The following CD58 variants were observed in gnomAD, a reference collection of about 807,000 sequenced individuals.
The protein encoded by CD58 is CD58 molecule.
In CD58, 14 loss-of-function variants were observed where a neutral mutation model predicts 27.6. That is an observed-to-expected ratio of 0.51 (90% CI 0.34 to 0.79). CD58 has a LOEUF of 0.79. CD58 is among the 30% of genes least tolerant of loss of function. CD58 has a pLI of 0.02. For synonymous variants in CD58, 117 were observed against 103.8 expected, an observed-to-expected ratio of 1.13 and a Z score of -0.77; for missense variants, 268 against 301.7, an observed-to-expected ratio of 0.89 and a Z score of 0.83.
rs543795224 is a variant in CD58, at chr1:116,516,131, C to T, written c.744-1309G>A. ...CCTCCCACTAACTCCTAAACTCAAG[C>T]GATCCTCGCACCTCAGCCTCCCAAG... is the stretch of plus-strand genomic sequence containing the variant. On this transcript the variant is annotated intron_variant, in intron 5 of 5. Transcript: ENST00000369489. This position sits in a 1 kb window ranked among gnomAD's most constrained non-coding sequence, Gnocchi z 6.1. Among the ~76,000 whole-genome samples, 1 of 152,268 alleles carries T rather than the reference C, an allele frequency of 6.6e-6. No homozygotes were observed. The highest frequency in any genetic ancestry group is 1.9e-4 in the East Asian group (1 of 5,180).
chr1:116,547,738 C>A (rs577807829), intron 1 of CD58, among the ~76,000 whole-genome samples: 1 of 151,964 alleles, frequency 6.6e-6, no homozygotes, highest in Non-Finnish European at 1.5e-5. Context: ...TTTGCAATTG[C>A]GAGTTGTGCC....
intron 1 of CD58, among the ~76,000 whole-genome samples, chr1:116,567,247 G>A: frequency 8.1e-6 from 1 of 122,720 alleles, no homozygotes; most frequent in Non-Finnish European, 1.8e-5. Context: ...GGGAGGGGAG[G>A]GGAGGGAGGG....
Position 116,522,065 on chromosome 1 carries a change from G to C in CD58, c.629-82C>G, listed in dbSNP as rs973491635. 2 of 710,904 alleles carry C rather than the reference G, an allele frequency of 2.8e-6. No homozygotes were observed. Among genetic ancestry groups the C allele is most frequent in the Non-Finnish European group, 4.8e-6 (2 of 419,804 alleles). 44.0% of individuals were successfully genotyped at this position (710,904 alleles called of 1,614,324 possible). A position where few individuals can be genotyped will look rare whatever the true frequency, so the allele number is the denominator to read the frequency against. ...CATTATTTGCAGATTCCACCTTGCG[G>C]TTTGCTTATTTACTGAAATTTATTT... On this transcript the variant is annotated intron_variant, in intron 3 of 5. Coordinates refer to ENST00000369489, the MANE Select transcript of CD58 (RefSeq NM_001779.3). This position sits in a 1 kb window ranked among gnomAD's most constrained non-coding sequence, Gnocchi z 4.6.
chr1:116,550,443 AG>A lies in CD58; in HGVS notation c.71-5840del, dbSNP rs200131379. ...AAACCACTTTCTTTGCTCATCCATA[AG>A]AAGCAACTCCTCATTGGCTCAATTT... On this transcript the variant is annotated intron_variant, in intron 1 of 5. Coordinates refer to ENST00000369489, the MANE Select transcript of CD58 (RefSeq NM_001779.3). This position sits in a 1 kb window ranked among gnomAD's most constrained non-coding sequence, Gnocchi z 4.2. 0.015 allele frequency among the ~76,000 whole-genome samples: 2,301 copies of A among 152,296 alleles called. 71 individuals are homozygous for A. Among genetic ancestry groups the A allele is most frequent in the African/African-American group, 0.052 (2,174 of 41,558 alleles).
Position 116,528,135 on chromosome 1 carries a change from C to T in CD58, c.629-6152G>A, listed in dbSNP as rs1216813763. On this transcript the variant is annotated intron_variant, in intron 3 of 5. Transcript: ENST00000369489. This position sits in a 1 kb window ranked among gnomAD's most constrained non-coding sequence, Gnocchi z 4.4. Reference sequence around the variant, plus strand: ...CTTCCCAGTGGAAAGTCATAAAAGTCACAAGAGACCAACTTAAATCAGTCC... The same window carrying T: ...CTTCCCAGTGGAAAGTCATAAAAGTTACAAGAGACCAACTTAAATCAGTCC... 6.6e-6 allele frequency among the ~76,000 whole-genome samples: 1 copy of T among 152,172 alleles called. No individual in the cohort carries two copies. Among genetic ancestry groups the T allele is most frequent in the East Asian group, 1.9e-4 (1 of 5,196 alleles).
intron 1 of CD58, among the ~76,000 whole-genome samples, chr1:116,568,975 A>C (rs757187894): frequency 6.6e-6 from 1 of 152,256 alleles, no homozygotes; most frequent in Non-Finnish European, 1.5e-5. Flanking sequence ...TATGCAGAGC[A>C]GTTTATAAAT....
chr1:116,548,840 GCTTA>G (rs1658285744), intron 1 of CD58, among the ~76,000 whole-genome samples: 1 of 152,238 alleles, frequency 6.6e-6, no homozygotes, highest in African/African-American at 2.4e-5. Context: ...TTTATTGAAT[GCTTA>G]CTCTCTGCTG....
At position 116,524,200 on chromosome 1, in the gene CD58, A is replaced by G. The variant is rs1269495718; in HGVS notation, c.629-2217T>C. On this transcript the variant is annotated intron_variant, in intron 3 of 5. Transcript: ENST00000369489. The surrounding 1 kb of genome is among the most constrained non-coding windows in gnomAD (Gnocchi z 4.6). Reference sequence around the variant, plus strand: ...GTCCCAAAGGCCCTAGTTCATTTTCATGGGAAATGATAATTAGGTACCATA... The same window carrying G: ...GTCCCAAAGGCCCTAGTTCATTTTCGTGGGAAATGATAATTAGGTACCATA... 2.6e-5 allele frequency among the ~76,000 whole-genome samples: 4 copies of G among 152,192 alleles called. No homozygotes were observed. The highest frequency in any genetic ancestry group is 9.6e-5 in the African/African-American group (4 of 41,454).
chr1:116,544,677 T>C (rs1658106100), intron 1 of CD58, 73 bp from the exon 2 acceptor site: 1 of 1,043,566 alleles, frequency 9.6e-7, no homozygotes, highest in African/African-American at 1.6e-5. Context: ...TCAGGTACTT[T>C]TTGTGCTAAG....
chr1:116,566,674 CTTG>C (rs766316621), intron 1 of CD58, among the ~76,000 whole-genome samples: 4 of 152,140 alleles, frequency 2.6e-5, no homozygotes, highest in African/African-American at 4.8e-5. Flanking sequence ...GGTGTTCCCA[CTTG>C]TCAAATGTGG....
chr1:116,520,948 T>A (rs1657245482), intron 4 of CD58, among the ~76,000 whole-genome samples: 1 of 152,208 alleles, frequency 6.6e-6, no homozygotes, highest in African/African-American at 2.4e-5. Context: ...CCAAGAAAAC[T>A]TTCTGCAATG....
At position 116,534,490 on chromosome 1, in the gene CD58, C is replaced by G. The variant is rs1249742068; in HGVS notation, c.628+1475G>C. Among the ~76,000 whole-genome samples, 1 of 152,200 alleles carries G rather than the reference C, an allele frequency of 6.6e-6. No individual in the cohort carries two copies. The highest frequency in any genetic ancestry group is 6.5e-5 in the Admixed American group (1 of 15,286). On this transcript the variant is annotated intron_variant, in intron 3 of 5. Transcript: ENST00000369489. This position sits in a 1 kb window ranked among gnomAD's most constrained non-coding sequence, Gnocchi z 5.3. ...GCGGGAGATTTGAGCTGCCAGCCCC[C>G]ACTCGCCGCCCTCTACGCCTCCTCC...
intron 4 of CD58, among the ~76,000 whole-genome samples, chr1:116,520,904 A>C (rs1050536073): frequency 1.3e-5 from 2 of 152,166 alleles, no homozygotes; most frequent in African/African-American, 4.8e-5. Context: ...TATATTTAGC[A>C]CTGATATCGC....
chr1:116,568,716 G>A (rs1304091772), intron 1 of CD58, among the ~76,000 whole-genome samples: 2 of 152,222 alleles, frequency 1.3e-5, no homozygotes, highest in African/African-American at 4.8e-5. Flanking sequence ...TCTATGAAGT[G>A]GGTTTATTAT....
chr1:116,542,300 A>G (rs995212194), intron 2 of CD58, among the ~76,000 whole-genome samples: 5 of 152,164 alleles, frequency 3.3e-5, no homozygotes, highest in African/African-American at 1.2e-4. Flanking sequence ...AGAAAGAAAC[A>G]TGAATAGGGT....
chr1:116,532,920 C>G lies in CD58; in HGVS notation c.628+3045G>C, dbSNP rs1278047398. On this transcript the variant is annotated intron_variant, in intron 3 of 5. Transcript: ENST00000369489. This position sits in a 1 kb window ranked among gnomAD's most constrained non-coding sequence, Gnocchi z 5.1. Reference sequence around the variant, plus strand: ...GAGTCGCGACAGCCGGTCTGCCAGGCGCCCACCTCCACTTCCTACTGCTGC... The same window carrying G: ...GAGTCGCGACAGCCGGTCTGCCAGGGGCCCACCTCCACTTCCTACTGCTGC... 55 of 1,057,854 alleles carry G rather than the reference C, an allele frequency of 5.2e-5. No homozygotes were observed. The highest frequency in any genetic ancestry group is 6.0e-5 in the Non-Finnish European group (43 of 718,510). The allele number at this position is 1,057,854 out of a possible 1,614,324, so 65.5% of individuals were successfully genotyped here. A position where few individuals can be genotyped will look rare whatever the true frequency, so the allele number is the denominator to read the frequency against.
intron 1 of CD58, among the ~76,000 whole-genome samples, chr1:116,562,593 T>C (rs1236291039): frequency 2.0e-5 from 3 of 152,190 alleles, no homozygotes; most frequent in South Asian, 4.1e-4. Flanking sequence ...GGACTCACAG[T>C]TCCACATGGC....
rs1341099837 is a variant in CD58 at position 116,570,980 on chromosome 1, C to T, written c.-8G>A. ...GTCGCTCCCAGCAACCATGGCTCGTCGGGCCGGCCTCTGCGCGAGTGCCCA... is the reference window on the plus strand; with the variant it reads ...GTCGCTCCCAGCAACCATGGCTCGTTGGGCCGGCCTCTGCGCGAGTGCCCA... On this transcript the variant is annotated 5_prime_UTR_variant, in exon 1 of 6. Transcript: ENST00000369489. This position sits in a 1 kb window ranked among gnomAD's most constrained non-coding sequence, Gnocchi z 6.4. 2.6e-6 allele frequency: 4 copies of T among 1,543,486 alleles called. No homozygotes were observed. The highest frequency in any genetic ancestry group is 2.4e-5 in the South Asian group (2 of 84,316).
At position 116,519,034 on chromosome 1, in the gene CD58, T is replaced by C; in HGVS notation, c.743+197A>G. 1 of 1,244,944 alleles carries C rather than the reference T, an allele frequency of 8.0e-7. No individual in the cohort carries two copies. Among genetic ancestry groups the C allele is most frequent in the Non-Finnish European group, 1.1e-6 (1 of 926,944 alleles). The allele number at this position is 1,244,944 out of a possible 1,614,324, so 77.1% of individuals were successfully genotyped here. A position where few individuals can be genotyped will look rare whatever the true frequency, so the allele number is the denominator to read the frequency against. On this transcript the variant is annotated intron_variant, in intron 5 of 5. Coordinates refer to ENST00000369489, the MANE Select transcript of CD58 (RefSeq NM_001779.3). This position sits in a 1 kb window ranked among gnomAD's most constrained non-coding sequence, Gnocchi z 4.7. ...ATTGAGAGGGTTCCAGGAAACGATA[T>C]GCAGAGAGTGGCTAGTGCAGTGCAT...
Sources: gnomAD v4.1 joint callset for allele counts (sites outside exome capture counted in the v4.1 genomes callset) on GRCh38, gnomAD v4.1.1 for gene constraint, Gnocchi (gnomAD v3.1) non-coding constraint, MANE v1.5 for transcripts, NCBI Gene and HGNC (gene_info 2026-07-23, HGNC 2026-07-21) for gene names.